The following PDE4B variants were observed in gnomAD, a reference collection of about 807,000 sequenced individuals.
PDE4B encodes the protein phosphodiesterase 4B, also known as 3',5'-cyclic-AMP phosphodiesterase 4B.
PDE4B carries 20 observed loss-of-function variants against 82.2 expected under a neutral mutation model. The observed-to-expected ratio is 0.24, with a 90% CI of 0.17 to 0.35. The LOEUF is 0.35. Ranked by LOEUF, PDE4B falls within the 10% of genes least tolerant of loss-of-function variation. PDE4B has a pLI of 1.00. For missense variants in PDE4B, 655 were observed against 907.2 expected (o/e 0.72, Z 3.57); for synonymous variants, 320 against 318.9 (o/e 1.00, Z -0.04).
chr1:65,993,647 C>A (rs1651371734), intron 3 of PDE4B, among the ~76,000 whole-genome samples: 1 of 152,064 alleles, frequency 6.6e-6, no homozygotes, highest in South Asian at 2.1e-4. Flanking sequence ...GATTTATTGA[C>A]TTATCTTTAC....
At chr1:66,122,747 C>T (rs1645739163) in intron 3 of PDE4B, among the ~76,000 whole-genome samples, 1 of 146,968 alleles carries the variant, frequency 6.8e-6, no homozygotes, top group Admixed American at 6.9e-5. Context: ...CTCCTGTTGC[C>T]CAGGCTGGAG....
intron 7 of PDE4B, among the ~76,000 whole-genome samples, chr1:66,288,402 A>T (rs1395142827): frequency 6.6e-6 from 1 of 152,134 alleles, no homozygotes; most frequent in Non-Finnish European, 1.5e-5. Flanking sequence ...TAGGTGGGAC[A>T]TCCAAACCAT....
intron 3 of PDE4B, among the ~76,000 whole-genome samples, chr1:65,968,294 G>C (rs955545462): frequency 3.3e-5 from 5 of 152,034 alleles, no homozygotes; most frequent in African/African-American, 4.8e-5. Context: ...GAATACCTAA[G>C]GGTTTCTTTT....
chr1:65,955,242 C>G (rs542196716), intron 3 of PDE4B, among the ~76,000 whole-genome samples: 2 of 152,180 alleles, frequency 1.3e-5, no homozygotes, highest in African/African-American at 4.8e-5. Context: ...AGCACAGTCC[C>G]GTAAACCTTC....
chr1:66,344,465 T>C (rs1216048171), intron 8 of PDE4B, among the ~76,000 whole-genome samples: 1 of 152,220 alleles, frequency 6.6e-6, no homozygotes, highest in Non-Finnish European at 1.5e-5. Flanking sequence ...TGTATTTATA[T>C]TTTTTCTTTT....
intron 3 of PDE4B, among the ~76,000 whole-genome samples, chr1:66,143,167 T>C (rs1345773680): frequency 6.6e-6 from 1 of 152,192 alleles, no homozygotes. Flanking sequence ...GACACTGAAC[T>C]GCAGTAAAAG....
chr1:65,874,524 C>T (rs1296281595), intron 1 of PDE4B, among the ~76,000 whole-genome samples: 1 of 152,184 alleles, frequency 6.6e-6, no homozygotes. Context: ...CTGGAGGCAT[C>T]ACACTACCTG....
chr1:66,212,450 C>A (rs1297681036), intron 3 of PDE4B, among the ~76,000 whole-genome samples: 1 of 152,188 alleles, frequency 6.6e-6, no homozygotes, highest in Non-Finnish European at 1.5e-5. Flanking sequence ...CCCTCCTCTT[C>A]TAGCGTTTGC....
chr1:65,808,399 G>A (rs1367819410), intron 1 of PDE4B, among the ~76,000 whole-genome samples: 1 of 152,050 alleles, frequency 6.6e-6, no homozygotes, highest in Non-Finnish European at 1.5e-5. Context: ...TGAACTTCTG[G>A]TCTCAAGCAA....
intron 3 of PDE4B, among the ~76,000 whole-genome samples, chr1:65,939,088 A>T (rs1007419292): frequency 1.3e-5 from 2 of 152,094 alleles, no homozygotes; most frequent in African/African-American, 4.8e-5. Context: ...AGGTGTTGGG[A>T]TATAAGGTTG....
chr1:66,142,022 A>G (rs1646183245), intron 3 of PDE4B, among the ~76,000 whole-genome samples: 1 of 152,212 alleles, frequency 6.6e-6, no homozygotes, highest in Admixed American at 6.5e-5. Flanking sequence ...ACATATTTGT[A>G]TATGTATTAT....
intron 3 of PDE4B, among the ~76,000 whole-genome samples, chr1:65,947,770 A>T (rs1017066689): frequency 4.0e-5 from 6 of 151,890 alleles, no homozygotes; most frequent in Non-Finnish European, 5.9e-5. Context: ...GAGATGAGGA[A>T]GAATCCTCCT....
chr1:65,985,747 C>G (rs1054039634), intron 3 of PDE4B, among the ~76,000 whole-genome samples: 4 of 152,048 alleles, frequency 2.6e-5, no homozygotes, highest in African/African-American at 7.2e-5. Flanking sequence ...GAGAGGAACT[C>G]CCTTAGTATT....
At chr1:66,060,054 A>G (rs991582488) in intron 3 of PDE4B, among the ~76,000 whole-genome samples, 1 of 152,258 alleles carries the variant, frequency 6.6e-6, no homozygotes, top group Non-Finnish European at 1.5e-5. Context: ...AATGACCCAT[A>G]TGTAAAGATT....
chr1:66,034,644 C>T (rs1219934082), intron 3 of PDE4B, among the ~76,000 whole-genome samples: 1 of 152,164 alleles, frequency 6.6e-6, no homozygotes, highest in Non-Finnish European at 1.5e-5. Context: ...GTGCTTTGAA[C>T]TCACACACAA....
At chr1:66,121,695 A>C (rs941714658) in intron 3 of PDE4B, among the ~76,000 whole-genome samples, 4 of 152,210 alleles carry the variant, frequency 2.6e-5, no homozygotes, top group Admixed American at 2.6e-4. Context: ...AAAGCAGCCG[A>C]ATACAGTTCT....
At chr1:65,806,193 T>C (rs2101180146) in intron 1 of PDE4B, among the ~76,000 whole-genome samples, 1 of 152,274 alleles carries the variant, frequency 6.6e-6, no homozygotes, top group South Asian at 2.1e-4. Context: ...TTGAAACAAG[T>C]GCTAACATTA....
At chr1:66,256,600 T>G (rs555315282) in intron 4 of PDE4B, among the ~76,000 whole-genome samples, 1 of 152,240 alleles carries the variant, frequency 6.6e-6, no homozygotes, top group East Asian at 1.9e-4. Flanking sequence ...AGATGTCAAG[T>G]TAAAAGCCTA....
chr1:66,135,035 A>C (rs566051503), intron 3 of PDE4B, among the ~76,000 whole-genome samples: 2 of 152,338 alleles, frequency 1.3e-5, no homozygotes, highest in Non-Finnish European at 2.9e-5. Flanking sequence ...TATAGGATGA[A>C]GAATTTGGTG....
Sources: allele counts gnomAD v4.1 joint callset (sites outside exome capture counted in the v4.1 genomes callset), GRCh38; gene constraint gnomAD v4.1.1; transcripts MANE v1.5; gene names NCBI Gene and HGNC (gene_info 2026-07-23, HGNC 2026-07-21).